ZIC4: variants seen among roughly 807,000 people sequenced by gnomAD.
ZIC4 encodes zinc finger protein ZIC 4.
In ZIC4, 15 loss-of-function variants were observed where a neutral mutation model predicts 28.8. That is an observed-to-expected ratio of 0.52 (90% CI 0.35 to 0.80). ZIC4 has a LOEUF of 0.80. ZIC4 is among the 30% of genes least tolerant of loss of function. The pLI, the probability that ZIC4 is intolerant of heterozygous loss-of-function variation, is 0.01. For missense variants in ZIC4, 512 were observed against 467.1 expected, an observed-to-expected ratio of 1.10 and a Z score of -0.89; for synonymous variants, 220 against 198.1, an observed-to-expected ratio of 1.11 and a Z score of -0.93.
Position 147,395,893 on chromosome 3 carries a change from G to A in ZIC4, c.647C>T (p.Ala216Val). Residue 216 changes from alanine to valine, a missense_variant, in exon 3 of 5, where the codon GCT becomes GTT. Physicochemically the swap from Ala to Val is moderately conservative, Grantham distance 64. This residue lies in a region of ZIC4 where 58 missense variants were observed against 93.8 expected (regional missense o/e 0.62). Transcript: ENST00000383075. ...CPFPGCGKVF[A>V]RSENLKIHKR... is the part of the protein sequence containing the mutation. Reference sequence around the variant, plus strand: ...GTGTATTTTGAGATTTTCTGATCTAGCAAAGACCTTCCCACACCCCGGGAA... The same window carrying A: ...GTGTATTTTGAGATTTTCTGATCTAACAAAGACCTTCCCACACCCCGGGAA... The A allele has an allele frequency of 1.2e-6, 2 of 1,614,152 alleles. No homozygotes were observed. Among genetic ancestry groups the A allele is most frequent in the Non-Finnish European group, 1.7e-6 (2 of 1,180,004 alleles).
intron 3 of ZIC4, chr3:147,392,704 C>G (rs1447150229): frequency 1.3e-5 from 2 of 152,558 alleles, no homozygotes; most frequent in African/African-American, 4.8e-5. Flanking sequence ...AAACAAAGCC[C>G]CAATTCCCGA....
chr3:147,390,864 T>C (rs558207323), intron 4 of ZIC4, 67 bp downstream of exon 4: 3 of 1,524,666 alleles, frequency 2.0e-6, no homozygotes, highest in East Asian at 2.3e-5. Context: ...CAGGGCCAGG[T>C]GGTAGCTCGG....
At chr3:147,405,648 G>T (rs2087258298) in intron 1 of ZIC4, 1 of 711,494 alleles carries the variant, frequency 1.4e-6, no homozygotes, top group Non-Finnish European at 2.4e-6. Context: ...TGTTCGCATT[G>T]GAGATAAAGA....
At chr3:147,405,672 A>C (rs564150029) in intron 1 of ZIC4, 6 of 637,242 alleles carry the variant, frequency 9.4e-6, no homozygotes, top group Admixed American at 5.3e-5. Flanking sequence ...CCAAGTCCCG[A>C]ACCCACTGCT....
chr3:147,404,651 T>G (rs2087237517), intron 1 of ZIC4, among the ~76,000 whole-genome samples: 1 of 152,304 alleles, frequency 6.6e-6, no homozygotes, highest in Non-Finnish European at 1.5e-5. Flanking sequence ...CTGGAGACTT[T>G]TTGGAATCTG....
chr3:147,405,414 A>G, intron 1 of ZIC4: 1 of 1,537,200 alleles, frequency 6.5e-7, no homozygotes, highest in South Asian at 1.2e-5. Context: ...GTGACGGCCG[A>G]AGTGCAACCC....
intron 2 of ZIC4, among the ~76,000 whole-genome samples, chr3:147,398,368 G>C (rs1001418325): frequency 6.6e-6 from 1 of 152,110 alleles, no homozygotes; most frequent in African/African-American, 2.4e-5. Context: ...CCCCTTCCAG[G>C]CTCTGAGAGG....
chr3:147,395,871 T>C lies in ZIC4; in HGVS notation c.669A>G (p.Ile223Met). 6.2e-7 allele frequency: 1 copy of C among 1,613,634 alleles called. No homozygotes were observed. The highest frequency in any genetic ancestry group is 8.5e-7 in the Non-Finnish European group (1 of 1,179,654). Residue 223 changes from isoleucine to methionine, a missense_variant, in exon 3 of 5, where the codon ATA becomes ATG. Transcript: ENST00000383075. ...KVFARSENLK[I>M]HKRTHTGEKP... ...ACTGACCTGTGTGAGTTCGTTTGTGTATTTTGAGATTTTCTGATCTAGCAA... is the reference window on the plus strand; with the variant it reads ...ACTGACCTGTGTGAGTTCGTTTGTGCATTTTGAGATTTTCTGATCTAGCAA...
chr3:147,388,659 A>C lies in ZIC4; in HGVS notation c.*200T>G, dbSNP rs958771300. On this transcript the variant is annotated 3_prime_UTR_variant, in exon 5 of 5. Coordinates refer to ENST00000383075, the MANE Select transcript of ZIC4 (RefSeq NM_032153.6). The stretch of plus-strand genomic sequence containing the variant: ...ACGTAAATATTATGTCCTTAATGAA[A>C]AGCCTGGACGGGCTCCAGGCTTGGC... The C allele has an allele frequency of 2.3e-5, 13 of 573,352 alleles. No individual in the cohort carries two copies. The highest frequency in any genetic ancestry group is 2.3e-4 in the African/African-American group (12 of 53,182). The allele number at this position is 573,352 out of a possible 1,614,324, so 35.5% of individuals were successfully genotyped here.
Position 147,391,172 on chromosome 3 carries a change from A to G in ZIC4, c.763T>C (p.Ser255Pro). The change falls in exon 4 of 5, where the codon TCG (serine) becomes CCG (proline). Residue 255 changes from serine to proline, a missense_variant. Coordinates refer to ENST00000383075, the MANE Select transcript of ZIC4 (RefSeq NM_032153.6). ...GGCTTGTCGCTAGTGTGCACGTGCG[A>G]ATGCTTCTTACGGTCGCTGCTGTTG... The part of the protein sequence containing the change: ...FANSSDRKKH[S>P]HVHTSDKPYT... The G allele has an allele frequency of 6.2e-7, 1 of 1,610,146 alleles. No homozygotes were observed. The highest frequency in any genetic ancestry group is 8.5e-7 in the Non-Finnish European group (1 of 1,176,810).
intron 1 of ZIC4, chr3:147,403,832 A>C: frequency 7.5e-6 from 7 of 933,206 alleles, no homozygotes; most frequent in Non-Finnish European, 9.3e-6. Context: ...CCAGTTCTCT[A>C]TGCACAAAGA....
At chr3:147,399,945 C>T (rs898623989) in intron 2 of ZIC4, among the ~76,000 whole-genome samples, 2 of 152,248 alleles carry the variant, frequency 1.3e-5, no homozygotes, top group African/African-American at 2.4e-5. Flanking sequence ...GGATTACAGG[C>T]GTGAGCCACT....
rs1467651663 is a variant in ZIC4 at position 147,396,391 on chromosome 3, G to C, written c.149C>G (p.Pro50Arg). The change falls in exon 3 of 5, where the codon CCT (proline) becomes CGT (arginine). Residue 50 changes from proline (P) to arginine (R), a missense_variant. Coordinates refer to ENST00000383075, the MANE Select transcript of ZIC4 (RefSeq NM_032153.6). This position sits in a 1 kb window ranked among gnomAD's most constrained non-coding sequence, Gnocchi z 4.2. ...PSVFPGLHEE[P>R]PQASPSRPLN... ...AGGACGGCTGGGGGAGGCCTGGGGAGGCTCCTCGTGGAGGCCCGGGAACAC... is the reference window on the plus strand; with the variant it reads ...AGGACGGCTGGGGGAGGCCTGGGGACGCTCCTCGTGGAGGCCCGGGAACAC... The C allele has an allele frequency of 7.8e-6, 12 of 1,528,752 alleles. No homozygotes were observed. The highest frequency in any genetic ancestry group is 1.8e-4 in the Middle Eastern group (1 of 5,550). 94.7% of individuals were successfully genotyped at this position (1,528,752 alleles called of 1,614,324 possible).
In ZIC4 at chr3:147,396,592, A is replaced by C; in HGVS notation, c.71-123T>G. 2.4e-6 allele frequency: 3 copies of C among 1,254,826 alleles called. No homozygotes were observed. The highest frequency in any genetic ancestry group is 3.1e-6 in the Non-Finnish European group (3 of 953,786). 77.7% of individuals were successfully genotyped at this position (1,254,826 alleles called of 1,614,324 possible). A position where few individuals can be genotyped will look rare whatever the true frequency, so the allele number is the denominator to read the frequency against. On this transcript the variant is annotated intron_variant, in intron 2 of 4. Coordinates refer to ENST00000383075, the MANE Select transcript of ZIC4 (RefSeq NM_032153.6). The surrounding 1 kb of genome is among the most constrained non-coding windows in gnomAD (Gnocchi z 4.2). ...GCCTCTGCAGTCAGCCGTGGAACTC[A>C]GAGCCAGACAGCGCCAGCAGTGAAC...
intron 3 of ZIC4, chr3:147,391,647 C>T (rs2086921549): frequency 1.2e-5 from 2 of 164,632 alleles, no homozygotes; most frequent in African/African-American, 2.4e-5. Context: ...AACGGGGAAG[C>T]TCACATCTGC....
At position 147,396,185 on chromosome 3, in the gene ZIC4, A is replaced by G. The variant is rs1425202054; in HGVS notation, c.355T>C (p.Tyr119His). Residue 119 changes from tyrosine to histidine, a missense_variant, in exon 3 of 5, where the codon TAC (tyrosine) becomes CAC (histidine). Around this residue, in one of 3 missense-constraint regions of ZIC4, gnomAD observed 310 missense variants for 256.5 expected, o/e 1.21. Coordinates refer to ENST00000383075, the MANE Select transcript of ZIC4 (RefSeq NM_032153.6). This position sits in a 1 kb window ranked among gnomAD's most constrained non-coding sequence, Gnocchi z 4.2. ...TCCTGTTTGATGGGCTGGCGCATGTAGCGGAAGAAAGCGCCAGGACCGTGG... is the reference window on the plus strand; with the variant it reads ...TCCTGTTTGATGGGCTGGCGCATGTGGCGGAAGAAAGCGCCAGGACCGTGG... ...APHGPGAFFRYMRQPIKQELI... is the reference protein window; with the variant it reads ...APHGPGAFFRHMRQPIKQELI... 1.9e-6 allele frequency: 3 copies of G among 1,614,060 alleles called. No individual in the cohort carries two copies. Among genetic ancestry groups the G allele is most frequent in the East Asian group, 2.2e-5 (1 of 44,852 alleles).
Position 147,396,414 on chromosome 3 carries a change from C to G in ZIC4, c.126G>C (p.Val42=). The change falls in exon 3 of 5, where the codon GTG becomes GTC. Residue 42 remains valine, a synonymous_variant. Coordinates refer to ENST00000383075, the MANE Select transcript of ZIC4 (RefSeq NM_032153.6). This position sits in a 1 kb window ranked among gnomAD's most constrained non-coding sequence, Gnocchi z 4.2. ...PQLTAASSPS[V]FPGLHEEPPQ... is the part of the protein sequence containing the mutation. ...GAGGCTCCTCGTGGAGGCCCGGGAA[C>G]ACCGAGGGGCTGGAGGCGGCGGTGA... is the stretch of plus-strand genomic sequence containing the variant. 7.2e-6 allele frequency: 11 copies of G among 1,523,492 alleles called. No individual in the cohort carries two copies. The highest frequency in any genetic ancestry group is 9.7e-6 in the Non-Finnish European group (11 of 1,139,684). The allele number at this position is 1,523,492 out of a possible 1,614,324, so 94.4% of individuals were successfully genotyped here.
At chr3:147,391,291 C>T (rs1576455413) in intron 3 of ZIC4, 45 bp from the exon 4 acceptor site, 1 of 1,521,568 alleles carries the variant, frequency 6.6e-7, no homozygotes, top group Non-Finnish European at 8.9e-7. Context: ...GGGTCGTGTT[C>T]CCGTCAGGTG....
intron 4 of ZIC4, 56 bp downstream of exon 4, chr3:147,390,875 G>A (rs1044044327): frequency 6.5e-5 from 101 of 1,550,134 alleles, no homozygotes; most frequent in Non-Finnish European, 8.8e-5. Context: ...GGTAGCTCGG[G>A]GCTGAGGATC....
Sources: allele counts gnomAD v4.1 joint callset (sites outside exome capture counted in the v4.1 genomes callset), GRCh38; gene constraint gnomAD v4.1.1; regional missense constraint gnomAD v4.1.1; non-coding constraint Gnocchi (gnomAD v3.1); transcripts MANE v1.5; gene names NCBI Gene and HGNC (gene_info 2026-07-23, HGNC 2026-07-21).